Variants in ADARB2 observed in about 807,000 individuals in gnomAD.
ADARB2 encodes adenosine deaminase RNA specific B2 (inactive), also known as inactive double-stranded RNA-specific editase B2.
ADARB2 carries 25 observed loss-of-function variants against 62.2 expected under a neutral mutation model. The ratio of observed to expected loss-of-function variants is 0.40; its 90% confidence interval spans 0.29 to 0.56. ADARB2 has a LOEUF of 0.56. ADARB2 is among the 20% of genes least tolerant of loss of function. The pLI is 0.43. For missense variants in ADARB2, 1,071 were observed against 1,077.4 expected, an observed-to-expected ratio of 0.99 and a Z score of 0.08; for synonymous variants, 572 against 500.8, an observed-to-expected ratio of 1.14 and a Z score of -1.90.
intron 1 of ADARB2, among the ~76,000 whole-genome samples, chr10:1,407,654 A>G (rs4880848): frequency 0.87 from 131,904 of 152,128 alleles, 59,285 homozygotes; most frequent in East Asian, 1. Context: ...GGCAGAGACG[A>G]TCTTCCTGGG....
intron 6 of ADARB2, among the ~76,000 whole-genome samples, chr10:1,220,207 GTGGTGATGATGGTGA>G (rs1195970778): frequency 2.1e-4 from 31 of 147,324 alleles, no homozygotes; most frequent in African/African-American, 6.8e-4. Context: ...GATGGTAATG[GTGGTGATGATGGTGA>G]TGGTGATGAT....
At chr10:1,695,035 A>G (rs74108987) in intron 1 of ADARB2, among the ~76,000 whole-genome samples, 17,240 of 152,250 alleles carry the variant, frequency 0.11, 1,121 homozygotes, top group Non-Finnish European at 0.15. Flanking sequence ...TGTGTGGGTC[A>G]TGGGCCCCCC....
chr10:1,378,793 T>A (rs1218805571), intron 2 of ADARB2, among the ~76,000 whole-genome samples: 1 of 152,100 alleles, frequency 6.6e-6, no homozygotes, highest in Non-Finnish European at 1.5e-5. Context: ...GGATAGGACC[T>A]CAGATGAAGA....
At chr10:1,462,735 A>G (rs955447087) in intron 1 of ADARB2, among the ~76,000 whole-genome samples, 1 of 150,994 alleles carries the variant, frequency 6.6e-6, no homozygotes, top group Non-Finnish European at 1.5e-5. Context: ...GCATGTGTGT[A>G]TGTGCCTGTG....
At chr10:1,502,472 C>A (rs1831778185) in intron 1 of ADARB2, among the ~76,000 whole-genome samples, 1 of 152,234 alleles carries the variant, frequency 6.6e-6, no homozygotes, top group Non-Finnish European at 1.5e-5. Context: ...CTGAGATTCC[C>A]AGCAAGGTTT....
At chr10:1,647,884 T>C (rs556832924) in intron 1 of ADARB2, among the ~76,000 whole-genome samples, 2 of 152,200 alleles carry the variant, frequency 1.3e-5, no homozygotes, top group South Asian at 4.2e-4. Context: ...GGTGTGTCTA[T>C]ATATGTATGT....
rs1836631104 is a variant in ADARB2 at position 1,179,211 on chromosome 10, A to G, written c.*3982T>C. 6.6e-6 allele frequency: 1 copy of G among 150,740 alleles called. No individual in the cohort carries two copies. Among genetic ancestry groups the G allele is most frequent in the Non-Finnish European group, 1.5e-5 (1 of 67,518 alleles). 9.3% of individuals were successfully genotyped at this position (150,740 alleles called of 1,614,324 possible). The stretch of plus-strand genomic sequence containing the variant: ...CCAGACGTGATAAACATTATATCCA[A>G]AAAAAAAAGCATGCGACTTTGTTGA... On this transcript the variant is annotated 3_prime_UTR_variant, in exon 10 of 10. Coordinates refer to ENST00000381312, the MANE Select transcript of ADARB2 (RefSeq NM_018702.4).
chr10:1,718,613 C>T (rs1008458775), intron 1 of ADARB2, among the ~76,000 whole-genome samples: 6 of 152,060 alleles, frequency 3.9e-5, no homozygotes, highest in African/African-American at 9.7e-5. Flanking sequence ...CAGGGAGCGG[C>T]GTTTAGAGAT....
At chr10:1,377,383 G>A (rs1210900005) in intron 2 of ADARB2, among the ~76,000 whole-genome samples, 1 of 145,696 alleles carries the variant, frequency 6.9e-6, no homozygotes, top group Non-Finnish European at 1.5e-5. Flanking sequence ...GTGTGCACAT[G>A]TGCATGTGCG....
intron 6 of ADARB2, among the ~76,000 whole-genome samples, chr10:1,232,594 A>G (rs1830818031): frequency 8.7e-6 from 1 of 114,348 alleles, no homozygotes; most frequent in African/African-American, 3.1e-5. Flanking sequence ...TGCATGTGGT[A>G]TATGTGGTAT....
chr10:1,563,430 C>A (rs1461196849), intron 1 of ADARB2, among the ~76,000 whole-genome samples: 1 of 152,146 alleles, frequency 6.6e-6, no homozygotes, highest in Non-Finnish European at 1.5e-5. Context: ...TCTCCCACAT[C>A]AGATGCTTGC....
At chr10:1,493,907 C>T (rs1443060247) in intron 1 of ADARB2, among the ~76,000 whole-genome samples, 2 of 151,746 alleles carry the variant, frequency 1.3e-5, no homozygotes, top group Non-Finnish European at 1.5e-5. Flanking sequence ...AGGCGTGCGC[C>T]ACTACGCCTG....
chr10:1,704,358 A>G lies in ADARB2; in HGVS notation c.100+32693T>C, dbSNP rs1032870549. Among the ~76,000 whole-genome samples the G allele has an allele frequency of 6.6e-6, 1 of 152,220 alleles. No homozygotes were observed. The highest frequency in any genetic ancestry group is 1.5e-5 in the Non-Finnish European group (1 of 68,038). ...TGTTTTCCTGCAACTCGATGGCCCCACCTGGGGATGATGGGAGACAGTGAC... is the reference window on the plus strand; with the variant it reads ...TGTTTTCCTGCAACTCGATGGCCCCGCCTGGGGATGATGGGAGACAGTGAC... On this transcript the variant is annotated intron_variant, in intron 1 of 9. Coordinates refer to ENST00000381312, the MANE Select transcript of ADARB2 (RefSeq NM_018702.4). This position sits in a 1 kb window ranked among gnomAD's most constrained non-coding sequence, Gnocchi z 5.6.
At chr10:1,448,080 C>T (rs1830993654) in intron 1 of ADARB2, among the ~76,000 whole-genome samples, 1 of 152,158 alleles carries the variant, frequency 6.6e-6, no homozygotes, top group Non-Finnish European at 1.5e-5. Flanking sequence ...AACAGTATTA[C>T]AAACCTATAG....
intron 8 of ADARB2, among the ~76,000 whole-genome samples, chr10:1,194,527 A>ATCTG (rs5782571): frequency 2.4e-4 from 2 of 8,190 alleles, no homozygotes; most frequent in African/African-American, 5.4e-4. Context: ...TATCTATCTA[A>ATCTG]TCTATCTATC....
At chr10:1,639,874 AAAC>A (rs1012970878) in intron 1 of ADARB2, among the ~76,000 whole-genome samples, 1 of 45,324 alleles carries the variant, frequency 2.2e-5, no homozygotes, top group Non-Finnish European at 6.6e-5. Flanking sequence ...AAAACAAAAC[AAAC>A]AAACAAACAA....
intron 1 of ADARB2, among the ~76,000 whole-genome samples, chr10:1,552,613 C>A (rs557826991): frequency 1.9e-3 from 269 of 145,298 alleles, no homozygotes; most frequent in Middle Eastern, 3.9e-3. Context: ...GCGTGAAGAG[C>A]CTTTTTCTGG....
At chr10:1,707,438 C>T (rs190261100) in intron 1 of ADARB2, among the ~76,000 whole-genome samples, 26 of 152,382 alleles carry the variant, frequency 1.7e-4, no homozygotes, top group Non-Finnish European at 2.8e-4. Context: ...GGCCAGTGGT[C>T]TTCTCACAAG....
At chr10:1,694,492 T>C (rs769447517) in intron 1 of ADARB2, among the ~76,000 whole-genome samples, 2 of 152,028 alleles carry the variant, frequency 1.3e-5, no homozygotes, top group Admixed American at 6.5e-5. Flanking sequence ...AAACTGTACA[T>C]GCACGACCCA....
Sources: gnomAD v4.1 joint callset for allele counts (sites outside exome capture counted in the v4.1 genomes callset) on GRCh38, gnomAD v4.1.1 for gene constraint, Gnocchi (gnomAD v3.1) non-coding constraint, MANE v1.5 for transcripts, NCBI Gene and HGNC (gene_info 2026-07-23, HGNC 2026-07-21) for gene names.